Variants in UBE3B observed in about 807,000 individuals in gnomAD.
UBE3B encodes the protein ubiquitin protein ligase E3B, also known as ubiquitin-protein ligase E3B.
In UBE3B, 80 loss-of-function variants were observed where a neutral mutation model predicts 132.3. The ratio of observed to expected loss-of-function variants is 0.60; its 90% CI spans 0.50 to 0.73. UBE3B has a LOEUF of 0.73. Among genes scored for constraint, UBE3B ranks in the 30% least tolerant of loss-of-function variants. The probability of loss-of-function intolerance (pLI) is 0.00; values close to 1 mark genes in which losing one functional copy is unlikely to be tolerated. For synonymous variants in UBE3B, 487 were observed against 520.4 expected (o/e 0.94, Z 0.87); for missense variants, 1,196 against 1,362.5 (o/e 0.88, Z 1.92).
chr12:109,510,529 CTCATGT>C lies in UBE3B; in HGVS notation c.1856+74_1856+79del, dbSNP rs1449345825. On this transcript the variant is annotated intron_variant, in intron 17 of 27. Coordinates refer to ENST00000342494, the MANE Select transcript of UBE3B (RefSeq NM_130466.4). ...CGGCACGCTGCCCGAGCACTCAGCT[CTCATGT>C]TCTAGGGCAGAGAGGACTTTTTCCC... is the stretch of plus-strand genomic sequence containing the variant. 1.3e-5 allele frequency: 17 copies of C among 1,271,770 alleles called. No individual in the cohort carries two copies. The Admixed American group carries it at 1.6e-4, about 12-fold the overall frequency. The allele number at this position is 1,271,770 out of a possible 1,614,324, so 78.8% of individuals were successfully genotyped here.
the UBE3B span, among the ~76,000 whole-genome samples, chr12:109,543,177 C>T: frequency 6.6e-6 from 1 of 152,220 alleles, no homozygotes; most frequent in East Asian, 1.9e-4. Context: ...TCGGGAAATA[C>T]AGAAGGGCTG....
At chr12:109,480,818 T>C (rs1198636462) in intron 1 of UBE3B, among the ~76,000 whole-genome samples, 2 of 152,002 alleles carry the variant, frequency 1.3e-5, no homozygotes, top group African/African-American at 4.8e-5. Flanking sequence ...TTAAGAAAAA[T>C]TTCCCGCAAT....
At chr12:109,544,382 C>T in the UBE3B span, among the ~76,000 whole-genome samples, 7 of 104,944 alleles carry the variant, frequency 6.7e-5, no homozygotes, top group Admixed American at 2.3e-4. Context: ...TGAAGTGGGG[C>T]GGGGGGCGGG....
Position 109,498,698 on chromosome 12 carries a change from A to C in UBE3B, c.940+345A>C, listed in dbSNP as rs190711166. On this transcript the variant is annotated intron_variant, in intron 11 of 27. Coordinates refer to ENST00000342494, the MANE Select transcript of UBE3B (RefSeq NM_130466.4). Reference sequence around the variant, plus strand: ...AGTTAGGTGGGGCTTATATCAGAGCAGCGCCTGCTTTACCTATTTTACAGT... The same window carrying C: ...AGTTAGGTGGGGCTTATATCAGAGCCGCGCCTGCTTTACCTATTTTACAGT... 4.6e-3 allele frequency among the ~76,000 whole-genome samples: 699 copies of C among 152,342 alleles called. 2 individuals carry two copies. Among genetic ancestry groups the C allele is most frequent in the Non-Finnish European group, 8.0e-3 (544 of 68,020 alleles).
At chr12:109,507,788 A>C in intron 15 of UBE3B, 53 bp downstream of exon 15, 3 of 1,562,642 alleles carry the variant, frequency 1.9e-6, no homozygotes, top group Non-Finnish European at 2.6e-6. Context: ...GGAGAGACCA[A>C]AATACAGTGT....
At chr12:109,478,910 T>G (rs943322613) in intron 1 of UBE3B, among the ~76,000 whole-genome samples, 2 of 152,230 alleles carry the variant, frequency 1.3e-5, no homozygotes, top group African/African-American at 4.8e-5. Context: ...GTGGCCCAGC[T>G]TTTCCTACTG....
chr12:109,525,152 T>G (rs1045780619), intron 23 of UBE3B, among the ~76,000 whole-genome samples: 4 of 152,148 alleles, frequency 2.6e-5, no homozygotes, highest in Non-Finnish European at 5.9e-5. Flanking sequence ...GAGCCACACT[T>G]TCCATATCCA....
At chr12:109,537,108 C>T (rs963366273), downstream of UBE3B, among the ~76,000 whole-genome samples, 3 of 152,126 alleles carry the variant, frequency 2.0e-5, no homozygotes, top group African/African-American at 7.2e-5. Context: ...CCTTGGCTTC[C>T]CAAAGTGCTA....
intron 23 of UBE3B, 129 bp from the exon 24 acceptor site, chr12:109,526,229 G>A: frequency 1.1e-6 from 1 of 900,088 alleles, no homozygotes; most frequent in Non-Finnish European, 1.8e-6. Context: ...GAGAAAGGAT[G>A]GTTCCCAAGC....
chr12:109,544,816 G>T, the UBE3B span, among the ~76,000 whole-genome samples: 1 of 152,192 alleles, frequency 6.6e-6, no homozygotes, highest in Non-Finnish European at 1.5e-5. Flanking sequence ...TCTCCATAAC[G>T]CTGGTCGGCT....
intron 11 of UBE3B, 98 bp downstream of exon 11, chr12:109,498,451 A>G: frequency 1.4e-6 from 2 of 1,417,846 alleles, no homozygotes; most frequent in Non-Finnish European, 1.9e-6. Flanking sequence ...TGTTTTCTGT[A>G]ACAATTGGAA....
chr12:109,531,366 G>A (rs962209872), intron 26 of UBE3B, among the ~76,000 whole-genome samples: 1 of 152,160 alleles, frequency 6.6e-6, no homozygotes, highest in East Asian at 1.9e-4. Flanking sequence ...TGGCACACAC[G>A]CTTCTCTGTG....
In UBE3B at chr12:109,509,577, A is replaced by G. The variant is rs767891749; in HGVS notation, c.1623-19A>G. 1 of 1,541,092 alleles carries G rather than the reference A, an allele frequency of 6.5e-7. No homozygotes were observed. The highest frequency in any genetic ancestry group is 8.8e-7 in the Non-Finnish European group (1 of 1,133,994). On this transcript the variant is annotated intron_variant, in intron 15 of 27. Coordinates refer to ENST00000342494, the MANE Select transcript of UBE3B (RefSeq NM_130466.4). ...CTTTTTTCAGTGTGGAATTGTGGGTAATTTTCTCTCTGATTTAGAATCCTT... is the reference window on the plus strand; with the variant it reads ...CTTTTTTCAGTGTGGAATTGTGGGTGATTTTCTCTCTGATTTAGAATCCTT...
chr12:109,494,511 CTG>C (rs1877923015), intron 9 of UBE3B, among the ~76,000 whole-genome samples: 1 of 152,144 alleles, frequency 6.6e-6, no homozygotes. Flanking sequence ...TTAGCAGGGA[CTG>C]TGCATCAGTC....
intron 22 of UBE3B, 67 bp downstream of exon 22, chr12:109,524,182 G>A (rs1882036974): frequency 6.9e-6 from 11 of 1,598,070 alleles, no homozygotes; most frequent in Non-Finnish European, 8.5e-6. Context: ...CGAAGTCCCA[G>A]AAGGAGATGG....
intron 14 of UBE3B, among the ~76,000 whole-genome samples, chr12:109,503,609 C>T (rs1386207192): frequency 6.6e-6 from 1 of 152,206 alleles, no homozygotes; most frequent in Non-Finnish European, 1.5e-5. Flanking sequence ...ACTATGCTTT[C>T]CTTTCCAATA....
intron 11 of UBE3B, among the ~76,000 whole-genome samples, chr12:109,499,303 C>T (rs1399179662): frequency 1.3e-5 from 2 of 152,172 alleles, no homozygotes; most frequent in African/African-American, 4.8e-5. Flanking sequence ...TATCACCTAC[C>T]TCTGTGTGCC....
In UBE3B at chr12:109,498,369, T is replaced by C; in HGVS notation, c.940+16T>C. The C allele has an allele frequency of 6.2e-7, 1 of 1,611,060 alleles. No individual in the cohort carries two copies. The highest frequency in any genetic ancestry group is 1.3e-5 in the African/African-American group (1 of 75,006). ...TGTCTAATGGGTAAGTATCCGTGGC[T>C]GGAACTTGATTGTGTCCTGGCCATC... On this transcript the variant is annotated intron_variant, in intron 11 of 27. Transcript: ENST00000342494.
chr12:109,481,810 C>T (rs557242227), intron 2 of UBE3B, 68 bp downstream of exon 2: 12 of 152,222 alleles, frequency 7.9e-5, no homozygotes, highest in Non-Finnish European at 1.0e-4. Flanking sequence ...TACCGTTTCT[C>T]TCCAAGCCTT....
Sources: allele counts gnomAD v4.1 joint callset (sites outside exome capture counted in the v4.1 genomes callset), GRCh38; gene constraint gnomAD v4.1.1; transcripts MANE v1.5; gene names NCBI Gene and HGNC (gene_info 2026-07-23, HGNC 2026-07-21).